SNX27: variants seen among roughly 807,000 people sequenced by gnomAD.
SNX27 encodes the protein sorting nexin-27.
Under a neutral mutation model 71.6 loss-of-function variants are expected in SNX27, and 22 were observed. That is an observed-to-expected ratio of 0.31 (90% CI 0.22 to 0.44). The LOEUF (loss-of-function observed/expected upper bound fraction) is 0.44. Ranked by LOEUF, SNX27 falls within the 20% of genes least tolerant of loss-of-function variation. The pLI, the probability that SNX27 is intolerant of heterozygous loss-of-function variation, is 1.00. For missense variants in SNX27, 531 were observed against 698.6 expected (o/e 0.76, Z 2.70); for synonymous variants, 269 against 277.2 (o/e 0.97, Z 0.29).
chr1:151,634,982 G>A (rs1185801921), intron 1 of SNX27, among the ~76,000 whole-genome samples: 1 of 152,182 alleles, frequency 6.6e-6, no homozygotes, highest in Non-Finnish European at 1.5e-5. Context: ...GAGAATTGGT[G>A]CTTCACTGAT....
At chr1:151,642,763 C>G (rs993895567) in intron 2 of SNX27, among the ~76,000 whole-genome samples, 1 of 151,788 alleles carries the variant, frequency 6.6e-6, no homozygotes, top group Admixed American at 6.6e-5. Flanking sequence ...CTCAGTCTCC[C>G]GAGTAGCTGG....
intron 2 of SNX27, among the ~76,000 whole-genome samples, chr1:151,641,598 G>GATATATAT (rs56886589): frequency 0.06 from 4,710 of 78,646 alleles, 232 homozygotes; most frequent in Non-Finnish European, 0.082. Context: ...TCCTTTATCA[G>GATATATAT]ATATATATAT....
intron 2 of SNX27, among the ~76,000 whole-genome samples, chr1:151,644,549 GACTATTATGAATAAT>G (rs1668944808): frequency 6.6e-6 from 1 of 151,870 alleles, no homozygotes; most frequent in East Asian, 1.9e-4. Context: ...TTCCACTTTT[GACTATTATGAATAAT>G]GCTGTTATGA....
Position 151,641,012 on chromosome 1 carries a change from A to G in SNX27, c.543+1893A>G, listed in dbSNP as rs185435189. ...TTAGTATAGTGCTTAAGATTGGCAG[A>G]CATTGTTATTTAAACCAAATATTTG... On this transcript the variant is annotated intron_variant, in intron 2 of 11. Transcript: ENST00000458013. 1.1e-3 allele frequency among the ~76,000 whole-genome samples: 160 copies of G among 151,690 alleles called. 2 individuals carry two copies. In the East Asian group the frequency reaches 0.029, roughly 28 times the overall value.
At chr1:151,677,911 A>G (rs941426749) in intron 7 of SNX27, 1 of 152,266 alleles carries the variant, frequency 6.6e-6, no homozygotes, top group Non-Finnish European at 1.5e-5. Context: ...GTTTACATAC[A>G]ATAAACTGTA....
chr1:151,692,943 G>A lies in SNX27; in HGVS notation c.1422G>A (p.Met474Ile). ...NQVIAFEWDE[M>I]QRWDTDEEGM... ...TAATTGCATTTGAATGGGATGAGAT[G>A]CAGCGATGGGACACAGATGAAGAAG... The change falls in exon 10 of 12, where the codon ATG (methionine) becomes ATA (isoleucine). Residue 474 changes from methionine (M) to isoleucine (I), a missense_variant. Met to Ile is a conservative substitution (Grantham distance 10). This residue lies in a region of SNX27 where 157 missense variants were observed against 178.4 expected (regional missense o/e 0.88). Coordinates refer to ENST00000458013, the MANE Select transcript of SNX27 (RefSeq NM_001330723.2). The A allele has an allele frequency of 6.2e-7, 1 of 1,614,222 alleles. No homozygotes were observed.
At chr1:151,618,066 A>G (rs1319404780) in intron 1 of SNX27, among the ~76,000 whole-genome samples, 1 of 146,134 alleles carries the variant, frequency 6.8e-6, no homozygotes, top group Non-Finnish European at 1.5e-5. Flanking sequence ...TGGGGTTGCC[A>G]TGTTGCCCAG....
At chr1:151,642,248 G>A (rs60187140) in intron 2 of SNX27, among the ~76,000 whole-genome samples, 5 of 151,654 alleles carry the variant, frequency 3.3e-5, no homozygotes, top group Admixed American at 2.0e-4. Flanking sequence ...TTAGCCGGGC[G>A]TGGTGGCAGG....
chr1:151,630,830 G>A (rs982290593), intron 1 of SNX27, among the ~76,000 whole-genome samples: 3 of 152,114 alleles, frequency 2.0e-5, no homozygotes, highest in Non-Finnish European at 4.4e-5. Context: ...TCAGGAGATC[G>A]AGACCATCCT....
At chr1:151,687,231 T>G (rs1202029756) in intron 8 of SNX27, among the ~76,000 whole-genome samples, 1 of 152,146 alleles carries the variant, frequency 6.6e-6, no homozygotes, top group African/African-American at 2.4e-5. Context: ...AACAGATAAA[T>G]AAAGAGCTTT....
chr1:151,620,711 ACAGAGT>A (rs1667632324), intron 1 of SNX27, among the ~76,000 whole-genome samples: 1 of 107,356 alleles, frequency 9.3e-6, no homozygotes, highest in African/African-American at 3.4e-5. Context: ...TTTTTTTGTG[ACAGAGT>A]CTTGCTCTGT....
chr1:151,693,372 C>T (rs1365387544), intron 10 of SNX27, 52 bp from the exon 11 acceptor site: 5 of 1,557,308 alleles, frequency 3.2e-6, no homozygotes, highest in Non-Finnish European at 4.4e-6. Context: ...AGGCACAGTC[C>T]TGAGATGCCT....
intron 1 of SNX27, among the ~76,000 whole-genome samples, chr1:151,632,231 C>T (rs1373110522): frequency 6.6e-6 from 1 of 151,588 alleles, no homozygotes; most frequent in African/African-American, 2.4e-5. Flanking sequence ...GATCTCGGCT[C>T]ACTGCAATGT....
chr1:151,640,012 T>C (rs1411496091), intron 2 of SNX27, among the ~76,000 whole-genome samples: 2 of 152,178 alleles, frequency 1.3e-5, no homozygotes, highest in Non-Finnish European at 2.9e-5. Flanking sequence ...ATCCTCTGCA[T>C]AGGAACGAGC....
intron 7 of SNX27, 87 bp downstream of exon 7, chr1:151,668,722 G>C (rs778841197): frequency 1.1e-5 from 14 of 1,241,606 alleles, no homozygotes; most frequent in South Asian, 1.6e-5. Flanking sequence ...TAAATCCTTA[G>C]ACAGGCTGCT....
chr1:151,681,235 CTTTTTTTTTT>C (rs762924986), intron 7 of SNX27, among the ~76,000 whole-genome samples: 10 of 60,700 alleles, frequency 1.6e-4, no homozygotes, highest in Admixed American at 4.4e-4. Context: ...GTCTCTCAAT[CTTTTTTTTTT>C]TTTTTTTTTT....
chr1:151,693,468 C>G lies in SNX27; in HGVS notation c.1563C>G (p.Leu521=). ...GCTTCGAGAGGGTGTTCTGCGAGCT[C>G]AAGTGGAGAAAAGAGGTAATTCTGA... ...HECFERVFCE[L]KWRKENIFQM... is the part of the protein sequence containing the mutation. Residue 521 remains leucine, a synonymous_variant, in exon 11 of 12, where the codon CTC becomes CTG. Transcript: ENST00000458013. 1 of 1,614,130 alleles carries G rather than the reference C, an allele frequency of 6.2e-7. No individual in the cohort carries two copies. Among genetic ancestry groups the G allele is most frequent in the Non-Finnish European group, 8.5e-7 (1 of 1,180,018 alleles).
At chr1:151,645,047 G>A (rs1489416535) in intron 2 of SNX27, among the ~76,000 whole-genome samples, 1 of 152,062 alleles carries the variant, frequency 6.6e-6, no homozygotes, top group Non-Finnish European at 1.5e-5. Flanking sequence ...TAATCCACCC[G>A]CCTCGGCCTC....
At position 151,695,105 on chromosome 1, in the gene SNX27, G is replaced by A. The variant is rs1343847294; in HGVS notation, c.*688G>A. The A allele has an allele frequency of 6.6e-6, 1 of 152,596 alleles. No homozygotes were observed. Among genetic ancestry groups the A allele is most frequent in the Non-Finnish European group, 1.5e-5 (1 of 68,054 alleles). 9.5% of individuals were successfully genotyped at this position (152,596 alleles called of 1,614,324 possible). A position where few individuals can be genotyped will look rare whatever the true frequency, so the allele number is the denominator to read the frequency against. On this transcript the variant is annotated 3_prime_UTR_variant, in exon 12 of 12. Transcript: ENST00000458013. ...GGGTTGCCATAGAGTCTAGGAACAA[G>A]GAGTATAGTTTCTTTATCTTCCAAG... is the stretch of plus-strand genomic sequence containing the variant.
Sources: allele counts gnomAD v4.1 joint callset (sites outside exome capture counted in the v4.1 genomes callset), GRCh38; gene constraint gnomAD v4.1.1; regional missense constraint gnomAD v4.1.1; transcripts MANE v1.5; gene names NCBI Gene and HGNC (gene_info 2026-07-23, HGNC 2026-07-21).